The following APOO variants were observed in gnomAD, a reference collection of about 807,000 sequenced individuals.
The protein encoded by APOO is MICOS complex subunit MIC26.
A neutral mutation model predicts 23.1 loss-of-function variants in APOO; 11 were observed. The observed-to-expected ratio is 0.48, with a 90% CI of 0.30 to 0.79. The LOEUF (loss-of-function observed/expected upper bound fraction) is 0.79. APOO is among the 30% of genes least tolerant of loss of function. APOO has a pLI of 0.07. For missense variants in APOO, 160 were observed against 142.7 expected, an observed-to-expected ratio of 1.12 and a Z score of -0.62; for synonymous variants, 59 against 54.8, an observed-to-expected ratio of 1.08 and a Z score of -0.34.
At position 23,833,450 on chromosome X, in the gene APOO, C is replaced by T. The variant is rs1923507386; in HGVS notation, c.*192G>A. 9.0e-6 allele frequency: 1 copy of T among 110,902 alleles called. No homozygotes were observed. Among genetic ancestry groups the T allele is most frequent in the East Asian group, 2.8e-4 (1 of 3,544 alleles). 9.1% of individuals were successfully genotyped at this position (110,902 alleles called of 1,213,427 possible). A position where few individuals can be genotyped will look rare whatever the true frequency, so the allele number is the denominator to read the frequency against. ...ACATTATCTCTAGGTGAAGGGATTC[C>T]AGGTTAGTTTGCTTGTAGGATGATT... On this transcript the variant is annotated 3_prime_UTR_variant, in exon 9 of 9. Coordinates refer to ENST00000379226, the MANE Select transcript of APOO (RefSeq NM_024122.5).
chrX:23,868,906 CT>C (rs1925467735), intron 4 of APOO, among the ~76,000 whole-genome samples: 1 of 107,184 alleles, frequency 9.3e-6, no homozygotes, highest in African/African-American at 3.4e-5. Context: ...ATTTTCTTTT[CT>C]TTCTTTTTTT....
intron 8 of APOO, among the ~76,000 whole-genome samples, chrX:23,834,909 G>A (rs1923584434): frequency 9.2e-6 from 1 of 108,557 alleles, no homozygotes; most frequent in African/African-American, 3.4e-5. Context: ...TTTTGGTAGA[G>A]ACAGGGTTTC....
At chrX:23,865,382 T>A (rs1272125423) in intron 5 of APOO, among the ~76,000 whole-genome samples, 1 of 110,459 alleles carries the variant, frequency 9.1e-6, no homozygotes, top group Non-Finnish European at 1.9e-5. Flanking sequence ...GGTGGGAGGA[T>A]CACTTGAGGT....
chrX:23,846,748 G>A (rs1216047442), intron 7 of APOO, among the ~76,000 whole-genome samples: 1 of 111,004 alleles, frequency 9.0e-6, no homozygotes, highest in Non-Finnish European at 1.9e-5. Flanking sequence ...TGAGACCTTG[G>A]GTTAGGACTA....
chrX:23,841,948 C>T (rs1004759267), intron 7 of APOO, among the ~76,000 whole-genome samples: 1 of 111,352 alleles, frequency 9.0e-6, no homozygotes, highest in Admixed American at 9.7e-5. Context: ...TTTAGCAGAA[C>T]CTTCTATTCC....
chrX:23,856,483 T>C (rs979690758), intron 6 of APOO, 101 bp from the exon 7 acceptor site: 1 of 638,219 alleles, frequency 1.6e-6, no homozygotes, highest in Non-Finnish European at 2.5e-6. Context: ...GATATATGCA[T>C]GCATATGTTC....
chrX:23,870,998 A>G (rs188131165), intron 4 of APOO, among the ~76,000 whole-genome samples: 1 of 109,783 alleles, frequency 9.1e-6, no homozygotes, highest in African/African-American at 3.3e-5. Flanking sequence ...CTGAGGCAGG[A>G]GAATCGCTTG....
intron 7 of APOO, among the ~76,000 whole-genome samples, chrX:23,854,510 T>G (rs1164663602): frequency 8.9e-6 from 1 of 111,853 alleles, no homozygotes; most frequent in Non-Finnish European, 1.9e-5. Flanking sequence ...TGTGCATTTG[T>G]TTTTTTGCTT....
chrX:23,879,096 A>T, intron 2 of APOO, 62 bp from the exon 3 acceptor site: 1 of 1,110,282 alleles, frequency 9.0e-7, no homozygotes, highest in Non-Finnish European at 1.2e-6. Flanking sequence ...TACATTTATC[A>T]AATTTGTAAG....
At chrX:23,896,805 T>G (rs1219614071) in intron 1 of APOO, among the ~76,000 whole-genome samples, 1 of 7,098 alleles carries the variant, frequency 1.4e-4, no homozygotes, top group Non-Finnish European at 3.3e-4. Flanking sequence ...CACTCAGCTA[T>G]TTTTTTTTTT....
chrX:23,876,194 C>G (rs1397629003), intron 3 of APOO, among the ~76,000 whole-genome samples: 2 of 110,203 alleles, frequency 1.8e-5, no homozygotes, highest in African/African-American at 3.3e-5. Flanking sequence ...AACCCAGAGG[C>G]GGTGCTTGCG....
chrX:23,861,920 C>G (rs985820788), intron 5 of APOO, among the ~76,000 whole-genome samples: 3 of 107,561 alleles, frequency 2.8e-5, no homozygotes, highest in Non-Finnish European at 3.8e-5. Flanking sequence ...TCTCTAGCCT[C>G]AGCCTCCTGA....
intron 7 of APOO, among the ~76,000 whole-genome samples, chrX:23,850,148 A>G (rs1023128756): frequency 1.8e-5 from 2 of 111,992 alleles, no homozygotes; most frequent in Admixed American, 1.9e-4. Context: ...AATAAAATAT[A>G]CTCGTGTGTA....
rs1447275838 is a variant in APOO, at chrX:23,838,374, A to G, written c.*29+1939T>C. Among the ~76,000 whole-genome samples the G allele has an allele frequency of 4.4e-3, 386 of 87,999 alleles. 3 individuals carry two copies. Among genetic ancestry groups the G allele is most frequent in the Non-Finnish European group, 7.2e-3 (349 of 48,619 alleles). 76.4% of individuals were successfully genotyped at this position (87,999 alleles called of 115,157 possible). A position where few individuals can be genotyped will look rare whatever the true frequency, so the allele number is the denominator to read the frequency against. The stretch of plus-strand genomic sequence containing the variant: ...CTCTATCTCAAAAAAAAAAAAAAAA[A>G]AAAGAAAGAAAGAAAAAGAAAAGAA... On this transcript the variant is annotated intron_variant, in intron 8 of 8. Transcript: ENST00000379226.
At position 23,892,400 on chromosome X, in the gene APOO, G is replaced by A. The variant is rs369378774; in HGVS notation, c.10-11448C>T. ...CTCCCAAGTAGCTGGCATTACAGGCGCCCGCTACCATGCCCAGCTACTTTT... is the reference window on the plus strand; with the variant it reads ...CTCCCAAGTAGCTGGCATTACAGGCACCCGCTACCATGCCCAGCTACTTTT... On this transcript the variant is annotated intron_variant, in intron 1 of 8. Transcript: ENST00000379226. Among the ~76,000 whole-genome samples the A allele has an allele frequency of 6.4e-5, 7 of 109,759 alleles. No homozygotes were observed. The East Asian group carries it at 8.8e-4, about 14-fold the overall frequency.
At chrX:23,834,189 G>A (rs1379078275) in intron 8 of APOO, among the ~76,000 whole-genome samples, 1 of 109,255 alleles carries the variant, frequency 9.2e-6, no homozygotes. Context: ...GTGGTCAGGA[G>A]TTCGAGACCA....
intron 1 of APOO, among the ~76,000 whole-genome samples, chrX:23,906,241 A>G (rs1323345808): frequency 8.8e-6 from 1 of 113,010 alleles, no homozygotes; most frequent in Non-Finnish European, 1.9e-5. Flanking sequence ...AGATTTTGAG[A>G]AACAATTCTT....
intron 5 of APOO, among the ~76,000 whole-genome samples, chrX:23,859,604 C>T (rs1159341860): frequency 1.8e-5 from 2 of 111,065 alleles, no homozygotes; most frequent in Non-Finnish European, 3.8e-5. Flanking sequence ...CCACCATGCC[C>T]GGCTAATTTT....
At chrX:23,850,559 G>A (rs1161138614) in intron 7 of APOO, among the ~76,000 whole-genome samples, 3 of 111,950 alleles carry the variant, frequency 2.7e-5, no homozygotes, top group African/African-American at 9.7e-5. Context: ...AGGCGCAGTG[G>A]CTCATGCCTG....
Sources: gnomAD v4.1 joint callset for allele counts (sites outside exome capture counted in the v4.1 genomes callset) on GRCh38, gnomAD v4.1.1 for gene constraint, MANE v1.5 for transcripts, NCBI Gene and HGNC (gene_info 2026-07-23, HGNC 2026-07-21) for gene names.